RCAN2: variants seen among roughly 807,000 people sequenced by gnomAD.
RCAN2 encodes the protein regulator of calcineurin 2.
Under a neutral mutation model 23.6 loss-of-function variants are expected in RCAN2, and 9 were observed. That is an observed-to-expected ratio of 0.38 (90% CI 0.23 to 0.67). The LOEUF (loss-of-function observed/expected upper bound fraction) is 0.67, where lower values mean the gene tolerates loss of function less well. Among genes scored for constraint, RCAN2 ranks in the 30% least tolerant of loss-of-function variants. The pLI is 0.51. For missense variants in RCAN2, 273 were observed against 302.3 expected, an observed-to-expected ratio of 0.90 and a Z score of 0.72; for synonymous variants, 109 against 115.7, an observed-to-expected ratio of 0.94 and a Z score of 0.37.
intron 2 of RCAN2, among the ~76,000 whole-genome samples, chr6:46,309,848 A>T (rs979475170): frequency 6.6e-6 from 1 of 152,216 alleles, no homozygotes; most frequent in African/African-American, 2.4e-5. Flanking sequence ...ATTCAATTTT[A>T]AACAACACTG....
At chr6:46,311,779 A>T (rs1763267347) in intron 2 of RCAN2, among the ~76,000 whole-genome samples, 1 of 152,206 alleles carries the variant, frequency 6.6e-6, no homozygotes, top group African/African-American at 2.4e-5. Flanking sequence ...TGTGAATCCT[A>T]GAACTTGAGT....
At chr6:46,441,482 C>T (rs1368917877) in intron 2 of RCAN2, among the ~76,000 whole-genome samples, 1 of 152,108 alleles carries the variant, frequency 6.6e-6, no homozygotes, top group African/African-American at 2.4e-5. Flanking sequence ...TGACACAGTG[C>T]ATTCTATGTA....
At chr6:46,250,505 T>C (rs1164368730) in intron 2 of RCAN2, among the ~76,000 whole-genome samples, 1 of 152,300 alleles carries the variant, frequency 6.6e-6, no homozygotes, top group Non-Finnish European at 1.5e-5. Flanking sequence ...GAATTTTAAC[T>C]AGGAATGGAC....
intron 2 of RCAN2, among the ~76,000 whole-genome samples, chr6:46,375,628 C>T (rs1765436716): frequency 6.6e-6 from 1 of 152,202 alleles, no homozygotes; most frequent in South Asian, 2.1e-4. Context: ...CATATTTATG[C>T]TTCTATGTCA....
rs141724392 is a variant in RCAN2, at chr6:46,325,004, C to T, written c.226-76108G>A. Reference sequence around the variant, plus strand: ...GGTTATTGCCCCACTGTCAGGCTGGCCTGGATGCTGGGTTTATTATGTGTG... The same window carrying T: ...GGTTATTGCCCCACTGTCAGGCTGGTCTGGATGCTGGGTTTATTATGTGTG... On this transcript the variant is annotated intron_variant, in intron 2 of 4. Coordinates refer to ENST00000371374, the MANE Select transcript of RCAN2 (RefSeq NM_001251974.2). Among the ~76,000 whole-genome samples the T allele has an allele frequency of 3.3e-3, 509 of 152,306 alleles. 6 individuals carry two copies. The highest frequency in any genetic ancestry group is 0.023 in the Admixed American group (354 of 15,302).
At chr6:46,285,707 T>A (rs1762354691) in intron 2 of RCAN2, among the ~76,000 whole-genome samples, 2 of 152,246 alleles carry the variant, frequency 1.3e-5, no homozygotes, top group African/African-American at 4.8e-5. Context: ...TCTTTGCTAT[T>A]ATTGGGTATT....
chr6:46,294,855 T>C (rs1318484973), intron 2 of RCAN2, among the ~76,000 whole-genome samples: 1 of 152,178 alleles, frequency 6.6e-6, no homozygotes, highest in African/African-American at 2.4e-5. Flanking sequence ...AAAAATAGTA[T>C]GAGCACATAC....
chr6:46,377,656 T>C (rs1278199141), intron 2 of RCAN2, among the ~76,000 whole-genome samples: 1 of 152,198 alleles, frequency 6.6e-6, no homozygotes, highest in Admixed American at 6.5e-5. Flanking sequence ...AGAACCTTAC[T>C]TCCTGCTTGT....
At chr6:46,369,799 CA>C in intron 2 of RCAN2, among the ~76,000 whole-genome samples, 2 of 152,280 alleles carry the variant, frequency 1.3e-5, no homozygotes, top group South Asian at 4.1e-4. Context: ...AATTGGAAAA[CA>C]AAACTATGAA....
chr6:46,369,176 A>C lies in RCAN2; in HGVS notation c.225+87576T>G, dbSNP rs143518547. ...ATCAATATCACTGTCTTCCACCTCCACATCTCGTCCCACTGGAAGGTCTTC... is the reference window on the plus strand; with the variant it reads ...ATCAATATCACTGTCTTCCACCTCCCCATCTCGTCCCACTGGAAGGTCTTC... On this transcript the variant is annotated intron_variant, in intron 2 of 4. Coordinates refer to ENST00000371374, the MANE Select transcript of RCAN2 (RefSeq NM_001251974.2). Among the ~76,000 whole-genome samples, 967 of 152,150 alleles carry C rather than the reference A, an allele frequency of 6.4e-3. 11 individuals are homozygous for C. The highest frequency in any genetic ancestry group is 0.022 in the African/African-American group (928 of 41,502).
chr6:46,271,389 G>A (rs570899307), intron 2 of RCAN2, among the ~76,000 whole-genome samples: 4 of 152,292 alleles, frequency 2.6e-5, no homozygotes, highest in East Asian at 1.9e-4. Flanking sequence ...GCCCACACAC[G>A]CTATGAAGGT....
At chr6:46,325,925 T>C in intron 2 of RCAN2, 2 of 979,946 alleles carry the variant, frequency 2.0e-6, no homozygotes, top group Non-Finnish European at 2.4e-6. Flanking sequence ...CCAGAGTTTC[T>C]TCTTTGAGGT....
chr6:46,271,878 C>T (rs1442231), intron 2 of RCAN2, among the ~76,000 whole-genome samples: 119,737 of 152,108 alleles, frequency 0.79, 47,421 homozygotes, highest in Non-Finnish European at 0.83. Context: ...ACTGTTTCCC[C>T]ATCTCTGAAA....
intron 2 of RCAN2, among the ~76,000 whole-genome samples, chr6:46,305,962 C>G (rs2150353824): frequency 6.6e-6 from 1 of 150,622 alleles, no homozygotes; most frequent in South Asian, 2.1e-4. Flanking sequence ...TGCCTGGCGT[C>G]AGTCCTGGTG....
intron 2 of RCAN2, among the ~76,000 whole-genome samples, chr6:46,452,864 C>T (rs901203597): frequency 1.2e-4 from 19 of 152,150 alleles, no homozygotes; most frequent in African/African-American, 4.3e-4. Flanking sequence ...TGTAGCAAAC[C>T]ACCATGGCAT....
chr6:46,362,576 A>G (rs1765047911), intron 2 of RCAN2, among the ~76,000 whole-genome samples: 1 of 152,166 alleles, frequency 6.6e-6, no homozygotes, highest in African/African-American at 2.4e-5. Context: ...AGCCTGCATT[A>G]CACTACAAAA....
intron 1 of RCAN2, among the ~76,000 whole-genome samples, chr6:46,487,468 G>A (rs1157879405): frequency 1.3e-5 from 2 of 152,184 alleles, no homozygotes; most frequent in South Asian, 2.1e-4. Context: ...TCTACATGTC[G>A]TTTACCCTGG....
chr6:46,424,752 A>T (rs1290735755), intron 2 of RCAN2, among the ~76,000 whole-genome samples: 1 of 152,132 alleles, frequency 6.6e-6, no homozygotes, highest in Non-Finnish European at 1.5e-5. Flanking sequence ...GAATGGAGAT[A>T]ATGTATCTTC....
chr6:46,284,032 G>A (rs1392055093), intron 2 of RCAN2, among the ~76,000 whole-genome samples: 1 of 152,108 alleles, frequency 6.6e-6, no homozygotes, highest in African/African-American at 2.4e-5. Context: ...TGACTTGTAT[G>A]AATTTTAAAA....
Sources: gnomAD v4.1 joint callset for allele counts (sites outside exome capture counted in the v4.1 genomes callset) on GRCh38, gnomAD v4.1.1 for gene constraint, MANE v1.5 for transcripts, NCBI Gene and HGNC (gene_info 2026-07-23, HGNC 2026-07-21) for gene names.